Variants in MRTFA observed in about 807,000 individuals in gnomAD.
MRTFA encodes myocardin related transcription factor A.
In MRTFA, 20 loss-of-function variants were observed where a neutral mutation model predicts 83.5. That is an observed-to-expected ratio of 0.24 (90% CI 0.17 to 0.35). The LOEUF (loss-of-function observed/expected upper bound fraction) is 0.35. Ranked by LOEUF, MRTFA falls within the 10% of genes least tolerant of loss-of-function variation. The pLI is 1.00. For missense variants in MRTFA, 1,200 were observed against 1,224.7 expected (o/e 0.98, Z 0.30); for synonymous variants, 659 against 541.2 (o/e 1.22, Z -3.02).
intron 3 of MRTFA, among the ~76,000 whole-genome samples, chr22:40,516,239 C>T (rs9611365): frequency 1.3e-5 from 2 of 151,580 alleles, no homozygotes; most frequent in Non-Finnish European, 2.9e-5. Flanking sequence ...GGCAACATGG[C>T]GAAATCCTGC....
Position 40,636,586 on chromosome 22 carries a change from A to C in MRTFA, c.-192T>G, listed in dbSNP as rs1339652865. 1 of 152,300 alleles carries C rather than the reference A, an allele frequency of 6.6e-6. No homozygotes were observed. Among genetic ancestry groups the C allele is most frequent in the Non-Finnish European group, 1.5e-5 (1 of 68,078 alleles). The allele number at this position is 152,300 out of a possible 1,614,324, so 9.4% of individuals were successfully genotyped here. A position where few individuals can be genotyped will look rare whatever the true frequency, so the allele number is the denominator to read the frequency against. Reference sequence around the variant, plus strand: ...CCAGCCCGGGCGCACGGAGCTGAGAAGTCGCCGCCAGCGGAGGGCGTGTGG... The same window carrying C: ...CCAGCCCGGGCGCACGGAGCTGAGACGTCGCCGCCAGCGGAGGGCGTGTGG... On this transcript the variant is annotated 5_prime_UTR_variant, in exon 1 of 15. Coordinates refer to ENST00000355630, the MANE Select transcript of MRTFA (RefSeq NM_020831.6).
chr22:40,452,121 C>G lies in MRTFA; in HGVS notation c.307+11100G>C, dbSNP rs553968873. 6.6e-5 allele frequency among the ~76,000 whole-genome samples: 10 copies of G among 151,622 alleles called. No homozygotes were observed. The South Asian group carries it at 1.0e-3, about 16-fold the overall frequency. On this transcript the variant is annotated intron_variant, in intron 4 of 14. Transcript: ENST00000355630. ...GCCTCAGCCTCCCGAGTAGCTGGGA[C>G]GACAGGCGCGTGCCATCACACCCAG... is the stretch of plus-strand genomic sequence containing the variant.
chr22:40,560,341 A>G (rs2055595047), intron 2 of MRTFA, among the ~76,000 whole-genome samples: 1 of 152,234 alleles, frequency 6.6e-6, no homozygotes, highest in South Asian at 2.1e-4. Context: ...CTTAACCTTG[A>G]GATTAGAAAA....
At chr22:40,522,698 G>C (rs1244688642) in intron 3 of MRTFA, 42 of 152,102 alleles carry the variant, frequency 2.8e-4, no homozygotes, top group Admixed American at 2.7e-3. Context: ...GCTAATTTTT[G>C]TATTTTTAGC....
Position 40,418,805 on chromosome 22 carries a change from G to C in MRTFA, c.1933C>G (p.Gln645Glu). 6.2e-7 allele frequency: 1 copy of C among 1,606,474 alleles called. No individual in the cohort carries two copies. The highest frequency in any genetic ancestry group is 8.5e-7 in the Non-Finnish European group (1 of 1,178,588). Residue 645 changes from glutamine (Q) to glutamate (E), a missense_variant, in exon 12 of 15, where the codon CAG becomes GAG. Gln to Glu is a conservative substitution (Grantham distance 29). Transcript: ENST00000355630. ...AGCTTGAGCCGCTCCACCAGCTGCT[G>C]CTTCTGCCGGAGCATGCGCGTCAGC... is the stretch of plus-strand genomic sequence containing the variant.
chr22:40,629,239 T>C (rs1000753747), intron 1 of MRTFA, among the ~76,000 whole-genome samples: 2 of 148,884 alleles, frequency 1.3e-5, no homozygotes, highest in Non-Finnish European at 3.0e-5. Flanking sequence ...AAGTCAGGAG[T>C]TTGAGACCAG....
At chr22:40,554,443 G>A (rs1298104432) in intron 2 of MRTFA, among the ~76,000 whole-genome samples, 1 of 152,152 alleles carries the variant, frequency 6.6e-6, no homozygotes, top group Non-Finnish European at 1.5e-5. Context: ...TCATGATAGT[G>A]AGTGAGCTCT....
chr22:40,503,599 A>G lies in MRTFA; in HGVS notation c.242-40313T>C, dbSNP rs1449765531. 2.0e-5 allele frequency among the ~76,000 whole-genome samples: 3 copies of G among 152,234 alleles called. No individual in the cohort carries two copies. In the East Asian group the frequency reaches 5.8e-4, roughly 29 times the overall value. The stretch of plus-strand genomic sequence containing the variant: ...TATTGATCAACAACAAATAGTCTTT[A>G]TCAAGGCTGTACTGCAAAGAAGGCA... On this transcript the variant is annotated intron_variant, in intron 3 of 14. Coordinates refer to ENST00000355630, the MANE Select transcript of MRTFA (RefSeq NM_020831.6).
At chr22:40,470,841 C>T (rs1410733428) in intron 3 of MRTFA, among the ~76,000 whole-genome samples, 1 of 151,662 alleles carries the variant, frequency 6.6e-6, no homozygotes, top group African/African-American at 2.4e-5. Flanking sequence ...CCCAGCTACT[C>T]GGGAGGCTGA....
chr22:40,489,567 G>A (rs886712458), intron 3 of MRTFA, among the ~76,000 whole-genome samples: 1 of 151,806 alleles, frequency 6.6e-6, no homozygotes, highest in African/African-American at 2.4e-5. Context: ...CCCAGACTCA[G>A]CCTCCCCAAG....
At chr22:40,533,637 A>G (rs1392670547) in intron 3 of MRTFA, 1 of 1,229,580 alleles carries the variant, frequency 8.1e-7, no homozygotes, top group Non-Finnish European at 1.0e-6. Flanking sequence ...TAGAGTCATG[A>G]CGGATTCTTC....
At chr22:40,589,002 T>C (rs1392928803) in intron 2 of MRTFA, among the ~76,000 whole-genome samples, 2 of 152,180 alleles carry the variant, frequency 1.3e-5, no homozygotes, top group East Asian at 3.9e-4. Context: ...AAAAAGATCA[T>C]ATAGTCTGAG....
chr22:40,463,740 T>A (rs2053759143), intron 3 of MRTFA, among the ~76,000 whole-genome samples: 1 of 152,236 alleles, frequency 6.6e-6, no homozygotes, highest in Non-Finnish European at 1.5e-5. Context: ...AAGTACTATT[T>A]GTAAACTCTT....
chr22:40,631,057 AC>A (rs2056636421), intron 1 of MRTFA, among the ~76,000 whole-genome samples: 2 of 152,278 alleles, frequency 1.3e-5, no homozygotes, highest in South Asian at 4.2e-4. Flanking sequence ...GGTAAGAGAC[AC>A]CCTTAATGGC....
intron 2 of MRTFA, chr22:40,587,905 A>G: frequency 2.4e-6 from 1 of 417,994 alleles, no homozygotes. Flanking sequence ...TATCTGGTGG[A>G]ATGGGAGCCT....
At chr22:40,631,983 T>G (rs1184719526) in intron 1 of MRTFA, among the ~76,000 whole-genome samples, 2 of 152,188 alleles carry the variant, frequency 1.3e-5, no homozygotes, top group African/African-American at 2.4e-5. Context: ...CCATTTACAT[T>G]CTTGTGTAGT....
At chr22:40,616,478 T>G (rs1233086708) in intron 1 of MRTFA, among the ~76,000 whole-genome samples, 1 of 152,176 alleles carries the variant, frequency 6.6e-6, no homozygotes, top group Non-Finnish European at 1.5e-5. Context: ...TTGGTTTAAC[T>G]GGAAATAGGG....
At chr22:40,420,661 G>A in intron 10 of MRTFA, 85 bp from the exon 11 acceptor site, 2 of 1,558,380 alleles carry the variant, frequency 1.3e-6, no homozygotes, top group South Asian at 2.4e-5. Flanking sequence ...CAGCAGGATT[G>A]GGTACAGATG....
intron 1 of MRTFA, among the ~76,000 whole-genome samples, chr22:40,626,480 A>G (rs2056583501): frequency 6.6e-6 from 1 of 151,908 alleles, no homozygotes; most frequent in African/African-American, 2.4e-5. Context: ...TTTTGTAGAG[A>G]CGGGGTTTTG....
Sources: gnomAD v4.1 joint callset for allele counts (sites outside exome capture counted in the v4.1 genomes callset) on GRCh38, gnomAD v4.1.1 for gene constraint, MANE v1.5 for transcripts, NCBI Gene and HGNC (gene_info 2026-07-23, HGNC 2026-07-21) for gene names.